Variants in MMRN1 observed in about 807,000 individuals in gnomAD.
MMRN1 encodes the protein multimerin-1.
In MMRN1, 94 loss-of-function variants were observed where a neutral mutation model predicts 100.7. That is an observed-to-expected ratio of 0.93 (90% CI 0.79 to 1.11). MMRN1 has a LOEUF of 1.11. Ranked by LOEUF, MMRN1 falls within the 50% of genes least tolerant of loss-of-function variation. The pLI is 0.00. For synonymous variants in MMRN1, 575 were observed against 505.0 expected, an observed-to-expected ratio of 1.14 and a Z score of -1.86; for missense variants, 1,606 against 1,439.1, an observed-to-expected ratio of 1.12 and a Z score of -1.88.
In MMRN1 at chr4:89,909,698, A is replaced by G. The variant is rs143619668; in HGVS notation, c.743+303A>G. On this transcript the variant is annotated intron_variant, in intron 2 of 7. Transcript: ENST00000264790. Reference sequence around the variant, plus strand: ...TTACTATCACTATTACTTTTACTCTATATCTGGTCAACAATCCTGTCCTTA... The same window carrying G: ...TTACTATCACTATTACTTTTACTCTGTATCTGGTCAACAATCCTGTCCTTA... Among the ~76,000 whole-genome samples the G allele has an allele frequency of 1.1e-4, 16 of 150,596 alleles. No homozygotes were observed. The East Asian group carries it at 3.2e-3, about 30-fold the overall frequency.
Position 89,936,679 on chromosome 4 carries a change from C to A in MMRN1, c.2999C>A (p.Ser1000Tyr), listed in dbSNP as rs1269975207. 42 of 1,613,514 alleles carry A rather than the reference C, an allele frequency of 2.6e-5. No individual in the cohort carries two copies. The highest frequency in any genetic ancestry group is 3.5e-5 in the Non-Finnish European group (41 of 1,179,648). The part of the protein sequence containing the change: ...LPGSLANVVK[S>Y]QKQVKSLPKK... ...GGTAGTCTGGCAAATGTTGTCAAGT[C>A]TCAGAAGCAAGTAAAATCATTGCCA... The change falls in exon 6 of 8, where the codon TCT becomes TAT. Residue 1000 changes from serine (S) to tyrosine (Y), a missense_variant. Transcript: ENST00000264790.
chr4:89,929,065 A>G (rs1444503662), intron 5 of MMRN1, among the ~76,000 whole-genome samples: 1 of 152,120 alleles, frequency 6.6e-6, no homozygotes, highest in East Asian at 1.9e-4. Flanking sequence ...AACCATCTCA[A>G]TTGATGTTAA....
In MMRN1 at chr4:89,909,362, C is replaced by G. The variant is rs911520711; in HGVS notation, c.710C>G (p.Pro237Arg). The change falls in exon 2 of 8, where the codon CCT becomes CGT. Residue 237 changes from proline (P) to arginine (R), a missense_variant. Coordinates refer to ENST00000264790, the MANE Select transcript of MMRN1 (RefSeq NM_007351.3). Reference sequence around the variant, plus strand: ...ACTTATGTCCCAGGTGGGAAAGGACCTTGTGGCTGGACCGGTGGATCCTGT... The same window carrying G: ...ACTTATGTCCCAGGTGGGAAAGGACGTTGTGGCTGGACCGGTGGATCCTGT... ...QVTYVPGGKG[P>R]CGWTGGSCPQ... The G allele has an allele frequency of 6.2e-7, 1 of 1,609,890 alleles. No individual in the cohort carries two copies. The highest frequency in any genetic ancestry group is 8.5e-7 in the Non-Finnish European group (1 of 1,177,480).
At chr4:89,941,570 C>T (rs1280307587) in intron 6 of MMRN1, among the ~76,000 whole-genome samples, 1 of 152,152 alleles carries the variant, frequency 6.6e-6, no homozygotes, top group African/African-American at 2.4e-5. Flanking sequence ...CATACCAAAA[C>T]TCCATACTCT....
At chr4:89,899,662 C>G (rs948348038) in intron 1 of MMRN1, among the ~76,000 whole-genome samples, 1 of 152,106 alleles carries the variant, frequency 6.6e-6, no homozygotes, top group African/African-American at 2.4e-5. Flanking sequence ...CAATTCCCAA[C>G]CCCTGTACAC....
At chr4:89,948,231 G>T (rs1187330148) in intron 6 of MMRN1, among the ~76,000 whole-genome samples, 1 of 152,116 alleles carries the variant, frequency 6.6e-6, no homozygotes, top group Non-Finnish European at 1.5e-5. Context: ...ATCTTTAGTT[G>T]TCTGTTATAA....
chr4:89,901,224 T>C (rs1355393962), intron 1 of MMRN1, among the ~76,000 whole-genome samples: 2 of 151,890 alleles, frequency 1.3e-5, no homozygotes, highest in Non-Finnish European at 2.9e-5. Context: ...GTTTTGTGTT[T>C]GTTTCTTATA....
In MMRN1 at chr4:89,895,211, A is replaced by G. The variant is rs1457687214; in HGVS notation, c.240A>G (p.Lys80=). The G allele has an allele frequency of 2.5e-6, 4 of 1,613,848 alleles. No individual in the cohort carries two copies. The highest frequency in any genetic ancestry group is 1.7e-4 in the Middle Eastern group (1 of 6,058). Residue 80 remains lysine (K), a synonymous_variant, in exon 1 of 8, where the codon AAA becomes AAG. Coordinates refer to ENST00000264790, the MANE Select transcript of MMRN1 (RefSeq NM_007351.3). ...EARTSEDSLL[K]STLPPSETSA... ...GAACTTCTGAAGACAGTCTTCTTAAATCAACACTGCCTCCCTCAGAAACAA... is the reference window on the plus strand; with the variant it reads ...GAACTTCTGAAGACAGTCTTCTTAAGTCAACACTGCCTCCCTCAGAAACAA...
At chr4:89,894,460 G>C (rs149148233), upstream of MMRN1, among the ~76,000 whole-genome samples, 91 of 152,256 alleles carry the variant, frequency 6.0e-4, 1 homozygote, top group African/African-American at 2.0e-3. Flanking sequence ...ATATACACTT[G>C]AACAAAATGC....
At chr4:89,914,529 T>C (rs1385532408) in intron 3 of MMRN1, among the ~76,000 whole-genome samples, 1 of 151,424 alleles carries the variant, frequency 6.6e-6, no homozygotes, top group Admixed American at 6.6e-5. Flanking sequence ...TGAATAGAAC[T>C]TTATTGGGGG....
chr4:89,895,432 C>T lies in MMRN1; in HGVS notation c.461C>T (p.Thr154Ile). The T allele has an allele frequency of 4.3e-6, 7 of 1,613,874 alleles. No homozygotes were observed. The highest frequency in any genetic ancestry group is 5.9e-6 in the Non-Finnish European group (7 of 1,179,914). ...GCCAGAAAGTCAAATGAACAAGCAA[C>T]TTCTCTAAACACAGTTGGAGGCACT... ...SFARKSNEQA[T>I]SLNTVGGTGG... The change falls in exon 1 of 8, where the codon ACT becomes ATT. Residue 154 changes from threonine (T) to isoleucine (I), a missense_variant. By Grantham distance (89) the Thr-to-Ile change is moderately conservative. Coordinates refer to ENST00000264790, the MANE Select transcript of MMRN1 (RefSeq NM_007351.3).
chr4:89,951,480 C>A, intron 6 of MMRN1, 125 bp from the exon 7 acceptor site: 1 of 950,748 alleles, frequency 1.1e-6, no homozygotes, highest in Non-Finnish European at 1.4e-6. Context: ...CATCCTGGGC[C>A]GTGGAGCCCA....
chr4:89,888,812 T>C (rs1420651301), intron 1 of MMRN1, among the ~76,000 whole-genome samples: 2 of 152,144 alleles, frequency 1.3e-5, no homozygotes, highest in Non-Finnish European at 2.9e-5. Context: ...TTATCTCTGC[T>C]GAAATTCCCG....
chr4:89,882,494 T>C (rs1216689212), intron 1 of MMRN1, among the ~76,000 whole-genome samples: 1 of 151,894 alleles, frequency 6.6e-6, no homozygotes, highest in Non-Finnish European at 1.5e-5. Context: ...TGAACACTTT[T>C]AACAGTGAAG....
Position 89,934,961 on chromosome 4 carries a change from T to C in MMRN1, c.1281T>C (p.Ile427=). ...ACCTCGAAAGCACCAGGCAAATAAT[T>C]CAAAAAGTTAATGAATCTGTGGTTT... ...SEDLESTRQI[I]QKVNESVVSI... is the part of the protein sequence containing the mutation. The change falls in exon 6 of 8, where the codon ATT becomes ATC. Residue 427 remains isoleucine, a synonymous_variant. Coordinates refer to ENST00000264790, the MANE Select transcript of MMRN1 (RefSeq NM_007351.3). The C allele has an allele frequency of 6.2e-7, 1 of 1,613,626 alleles. No homozygotes were observed. Among genetic ancestry groups the C allele is most frequent in the Non-Finnish European group, 8.5e-7 (1 of 1,179,756 alleles).
In MMRN1 at chr4:89,913,649, G is replaced by A. The variant is rs115696651; in HGVS notation, c.850+1599G>A. On this transcript the variant is annotated intron_variant, in intron 3 of 7. Coordinates refer to ENST00000264790, the MANE Select transcript of MMRN1 (RefSeq NM_007351.3). Reference sequence around the variant, plus strand: ...TATTTATGAATTCAAGTAGTTTAGGGATTGTCTAATGACACCTTATATCCT... The same window carrying A: ...TATTTATGAATTCAAGTAGTTTAGGAATTGTCTAATGACACCTTATATCCT... Among the ~76,000 whole-genome samples, 1,471 of 151,302 alleles carry A rather than the reference G, an allele frequency of 9.7e-3. 25 individuals are homozygous for A. Among genetic ancestry groups the A allele is most frequent in the African/African-American group, 0.033 (1,354 of 41,416 alleles).
At chr4:89,930,301 G>T in intron 5 of MMRN1, among the ~76,000 whole-genome samples, 1 of 152,046 alleles carries the variant, frequency 6.6e-6, no homozygotes, top group East Asian at 1.9e-4. Context: ...CTGTGATTTT[G>T]CACTTTCTTC....
At chr4:89,902,505 T>C (rs1721425133) in intron 1 of MMRN1, among the ~76,000 whole-genome samples, 1 of 151,912 alleles carries the variant, frequency 6.6e-6, no homozygotes, top group African/African-American at 2.4e-5. Context: ...ATAGGTTGGA[T>C]CCAAACAGCA....
chr4:89,880,990 G>A (rs527347864), intron 1 of MMRN1, among the ~76,000 whole-genome samples: 1 of 152,236 alleles, frequency 6.6e-6, no homozygotes, highest in Non-Finnish European at 1.5e-5. Flanking sequence ...TCATAAAGTC[G>A]ATAAATGTAA....
Sources: gnomAD v4.1 joint callset for allele counts (sites outside exome capture counted in the v4.1 genomes callset) on GRCh38, gnomAD v4.1.1 for gene constraint, MANE v1.5 for transcripts, NCBI Gene and HGNC (gene_info 2026-07-23, HGNC 2026-07-21) for gene names.